Variants in MGMT observed in about 807,000 individuals in gnomAD.
MGMT encodes the protein methylated-DNA--protein-cysteine methyltransferase.
A neutral mutation model predicts 15.9 loss-of-function variants in MGMT; 14 were observed. The ratio of observed to expected loss-of-function variants is 0.88; its 90% CI spans 0.58 to 1.37. MGMT has a LOEUF of 1.37. MGMT is among the 40% of genes most tolerant of loss of function. The probability of loss-of-function intolerance (pLI) is 0.00; values close to 1 mark genes in which losing one functional copy is unlikely to be tolerated. For synonymous variants in MGMT, 130 were observed against 118.2 expected, an observed-to-expected ratio of 1.10 and a Z score of -0.65; for missense variants, 282 against 268.1, an observed-to-expected ratio of 1.05 and a Z score of -0.36.
intron 3 of MGMT, among the ~76,000 whole-genome samples, chr10:129,729,119 G>A (rs772510321): frequency 3.6e-4 from 55 of 152,110 alleles, no homozygotes; most frequent in Non-Finnish European, 2.8e-4. Context: ...GGACCCCAAG[G>A]AGTTGGAGGG....
At chr10:129,637,386 G>A (rs767420403) in intron 2 of MGMT, among the ~76,000 whole-genome samples, 15 of 152,162 alleles carry the variant, frequency 9.9e-5, no homozygotes, top group Non-Finnish European at 1.9e-4. Context: ...TAATGGAGAC[G>A]ACTTGGGATC....
chr10:129,469,688 T>TG (rs1372883323), intron 1 of MGMT, among the ~76,000 whole-genome samples: 1 of 152,208 alleles, frequency 6.6e-6, no homozygotes, highest in Non-Finnish European at 1.5e-5. Flanking sequence ...CTGAAAGAGC[T>TG]GGGGTCTTAC....
intron 1 of MGMT, among the ~76,000 whole-genome samples, chr10:129,499,341 G>A (rs1554903887): frequency 6.6e-6 from 1 of 152,186 alleles, no homozygotes; most frequent in Non-Finnish European, 1.5e-5. Context: ...TCGTTACTCA[G>A]CTTTCACCTT....
At chr10:129,550,277 C>T (rs538848684) in intron 2 of MGMT, among the ~76,000 whole-genome samples, 23 of 151,492 alleles carry the variant, frequency 1.5e-4, no homozygotes, top group East Asian at 5.8e-4. Context: ...CAGCCATCAC[C>T]GCCACCCAGC....
chr10:129,643,064 G>A (rs1351115190), intron 2 of MGMT, among the ~76,000 whole-genome samples: 4 of 152,194 alleles, frequency 2.6e-5, no homozygotes, highest in African/African-American at 9.6e-5. Context: ...GATGACTTAC[G>A]GATGGAAAAG....
At chr10:129,709,639 C>T (rs1564769620) in intron 3 of MGMT, among the ~76,000 whole-genome samples, 1 of 152,020 alleles carries the variant, frequency 6.6e-6, no homozygotes. Context: ...TCTGCATAAT[C>T]ATATGGAGGC....
intron 2 of MGMT, among the ~76,000 whole-genome samples, chr10:129,682,960 T>C (rs1016617780): frequency 1.2e-4 from 18 of 152,338 alleles, no homozygotes; most frequent in African/African-American, 4.1e-4. Context: ...GCGATTCTCC[T>C]GCCTCAGCCT....
chr10:129,593,994 A>G (rs1213898213), intron 2 of MGMT, among the ~76,000 whole-genome samples: 1 of 152,196 alleles, frequency 6.6e-6, no homozygotes, highest in Non-Finnish European at 1.5e-5. Flanking sequence ...TCCACATTAT[A>G]TCAGTGTGGG....
intron 3 of MGMT, among the ~76,000 whole-genome samples, chr10:129,740,825 G>A (rs903365246): frequency 6.6e-6 from 1 of 152,202 alleles, no homozygotes; most frequent in African/African-American, 2.4e-5. Context: ...GGACTGAACA[G>A]GAGAAAGCAC....
chr10:129,638,620 T>C (rs920427890), intron 2 of MGMT, among the ~76,000 whole-genome samples: 3 of 152,068 alleles, frequency 2.0e-5, no homozygotes, highest in African/African-American at 4.8e-5. Flanking sequence ...AATGGAGGCA[T>C]GTTTTCAGCG....
At chr10:129,621,612 A>C (rs1046234660) in intron 2 of MGMT, among the ~76,000 whole-genome samples, 24 of 152,292 alleles carry the variant, frequency 1.6e-4, no homozygotes, top group African/African-American at 5.8e-4. Flanking sequence ...TGAGCAGTGC[A>C]TGGTTGCTTG....
intron 2 of MGMT, 35 bp from the exon 3 acceptor site, chr10:129,707,860 A>G (rs1299830582): frequency 1.2e-6 from 2 of 1,607,774 alleles, no homozygotes; most frequent in Non-Finnish European, 1.7e-6. Context: ...GGCAGGGCCC[A>G]GAGGTTTACT....
intron 2 of MGMT, among the ~76,000 whole-genome samples, chr10:129,570,874 A>G (rs1306698503): frequency 6.6e-6 from 1 of 152,234 alleles, no homozygotes; most frequent in East Asian, 1.9e-4. Context: ...TGTCTGAAGA[A>G]CAGAACATGG....
At chr10:129,572,503 G>A (rs575541147) in intron 2 of MGMT, among the ~76,000 whole-genome samples, 6 of 152,286 alleles carry the variant, frequency 3.9e-5, no homozygotes, top group African/African-American at 1.4e-4. Context: ...TGAGTAGTTG[G>A]CTACCATTTG....
chr10:129,748,794 CCTTA>C (rs559112049), intron 3 of MGMT, among the ~76,000 whole-genome samples: 7 of 152,218 alleles, frequency 4.6e-5, no homozygotes, highest in Non-Finnish European at 1.0e-4. Flanking sequence ...AGCCTCCTCT[CCTTA>C]CTTATCTGTA....
At position 129,557,514 on chromosome 10, in the gene MGMT, C is replaced by G. The variant is rs186500195; in HGVS notation, c.125+21137C>G. 2.2e-3 allele frequency among the ~76,000 whole-genome samples: 337 copies of G among 152,224 alleles called. 2 individuals carry two copies. Among genetic ancestry groups the G allele is most frequent in the African/African-American group, 7.7e-3 (321 of 41,508 alleles). ...ATTGTAATTGTCCTCAGATAATAAC[C>G]TAGGACCTTAAAATACACACAAATG... On this transcript the variant is annotated intron_variant, in intron 2 of 4. Transcript: ENST00000651593.
intron 3 of MGMT, among the ~76,000 whole-genome samples, chr10:129,716,852 G>T (rs1490010441): frequency 1.3e-5 from 2 of 152,184 alleles, no homozygotes; most frequent in South Asian, 2.1e-4. Flanking sequence ...AACTGTGAAG[G>T]AGCCAAATCG....
chr10:129,695,993 C>T (rs6482747), intron 2 of MGMT, among the ~76,000 whole-genome samples: 95,270 of 151,934 alleles, frequency 0.63, 30,180 homozygotes, highest in South Asian at 0.71. Flanking sequence ...TTTGTCCTCG[C>T]GGTCTTACGG....
intron 2 of MGMT, among the ~76,000 whole-genome samples, chr10:129,541,379 T>TC (rs1846041250): frequency 6.6e-6 from 1 of 152,154 alleles, no homozygotes; most frequent in South Asian, 2.1e-4. Context: ...GCGGAGCAGC[T>TC]CCCCCGCGCC....
Sources: allele counts gnomAD v4.1 joint callset (sites outside exome capture counted in the v4.1 genomes callset), GRCh38; gene constraint gnomAD v4.1.1; transcripts MANE v1.5; gene names NCBI Gene and HGNC (gene_info 2026-07-23, HGNC 2026-07-21).